CASK: variants seen among roughly 807,000 people sequenced by gnomAD.
CASK encodes the protein peripheral plasma membrane protein CASK.
CASK carries 4 observed loss-of-function variants against 82.9 expected under a neutral mutation model. The observed-to-expected ratio is 0.05, with a 90% CI of 0.02 to 0.11. The LOEUF (loss-of-function observed/expected upper bound fraction) is 0.11, where lower values mean the gene tolerates loss of function less well. Among genes scored for constraint, CASK ranks in the 10% least tolerant of loss-of-function variants. The pLI is 1.00. For synonymous variants in CASK, 259 were observed against 253.5 expected (o/e 1.02, Z -0.20); for missense variants, 358 against 720.9 (o/e 0.50, Z 5.76).
intron 2 of CASK, among the ~76,000 whole-genome samples, chrX:41,852,015 A>G (rs930685686): frequency 1.8e-5 from 2 of 111,615 alleles, no homozygotes; most frequent in Non-Finnish European, 3.8e-5. Context: ...TTCAAAAGCA[A>G]TAATAGCCAA....
intron 1 of CASK, among the ~76,000 whole-genome samples, chrX:41,895,967 T>C (rs749507913): frequency 1.3e-4 from 15 of 111,903 alleles, no homozygotes; most frequent in African/African-American, 4.9e-4. Context: ...GCAACTGCCT[T>C]TTCTCCACAT....
chrX:41,808,576 G>A (rs957353036), intron 2 of CASK, among the ~76,000 whole-genome samples: 2 of 111,986 alleles, frequency 1.8e-5, no homozygotes, highest in Non-Finnish European at 1.9e-5. Flanking sequence ...CTCACGATAA[G>A]AGCTTCTAGG....
intron 2 of CASK, among the ~76,000 whole-genome samples, chrX:41,831,824 TGTG>T (rs751587872): frequency 4.5e-5 from 5 of 110,050 alleles, no homozygotes; most frequent in Non-Finnish European, 9.5e-5. Context: ...AGCTGGGCAT[TGTG>T]GTGCACGCCT....
chrX:41,531,460 T>C (rs2998250), intron 24 of CASK, among the ~76,000 whole-genome samples: 2 of 110,721 alleles, frequency 1.8e-5, no homozygotes, highest in African/African-American at 6.6e-5. Context: ...TCAGGTGAGA[T>C]GTATTTTATC....
rs1332710955 is a variant in CASK, at chrX:41,518,574, C to A, written c.*1846G>T. 1 of 110,033 alleles carries A rather than the reference C, an allele frequency of 9.1e-6. No homozygotes were observed. 9.1% of individuals were successfully genotyped at this position (110,033 alleles called of 1,213,427 possible). A position where few individuals can be genotyped will look rare whatever the true frequency, so the allele number is the denominator to read the frequency against. ...AACATCAGAAAAAAAAAAATCGCCA[C>A]CATTTAATAATAGGCGGTGGGGGGC... On this transcript the variant is annotated 3_prime_UTR_variant, in exon 27 of 27. Transcript: ENST00000378163.
chrX:41,771,140 G>C (rs2069238544), intron 3 of CASK, among the ~76,000 whole-genome samples: 1 of 112,143 alleles, frequency 8.9e-6, no homozygotes, highest in Admixed American at 9.4e-5. Context: ...TTAATAACCT[G>C]AGAAATAATG....
chrX:41,915,378 A>C (rs1362094039), intron 1 of CASK, among the ~76,000 whole-genome samples: 2 of 112,738 alleles, frequency 1.8e-5, no homozygotes, highest in African/African-American at 6.5e-5. Flanking sequence ...TGGATATGAC[A>C]AGATCATCAA....
intron 5 of CASK, among the ~76,000 whole-genome samples, chrX:41,710,081 TTGTGTGTGTGTGTGTGTGTGTG>T (rs57963407): frequency 1.4e-5 from 1 of 72,184 alleles, no homozygotes; most frequent in East Asian, 4.6e-4. Flanking sequence ...GGTATAGATT[TTGTGTGTGTGTGTGTGTGTGTG>T]TGTGTGTGTG....
intron 21 of CASK, among the ~76,000 whole-genome samples, chrX:41,546,021 G>C (rs2065018542): frequency 9.1e-6 from 1 of 109,725 alleles, no homozygotes; most frequent in Non-Finnish European, 1.9e-5. Flanking sequence ...GCCCAGGCTG[G>C]AGTGTAATGG....
At chrX:41,915,346 T>A in intron 1 of CASK, among the ~76,000 whole-genome samples, 1 of 112,529 alleles carries the variant, frequency 8.9e-6, no homozygotes, top group Non-Finnish European at 1.9e-5. Flanking sequence ...AAAGAGGAGA[T>A]AGAGACAGAC....
intron 1 of CASK, among the ~76,000 whole-genome samples, chrX:41,859,303 A>G (rs760312530): frequency 1.8e-5 from 2 of 112,125 alleles, no homozygotes; most frequent in African/African-American, 3.2e-5. Context: ...ACACACACAC[A>G]AAGTTGATAT....
At chrX:41,620,017 A>G (rs1472209108) in intron 11 of CASK, among the ~76,000 whole-genome samples, 1 of 112,835 alleles carries the variant, frequency 8.9e-6, no homozygotes, top group Non-Finnish European at 1.9e-5. Flanking sequence ...CTCTGAGGTA[A>G]AATTTACATA....
chrX:41,840,374 T>C (rs1249192012), intron 2 of CASK, among the ~76,000 whole-genome samples: 1 of 112,496 alleles, frequency 8.9e-6, no homozygotes, highest in Non-Finnish European at 1.9e-5. Flanking sequence ...CAAATTCCAC[T>C]TGCACATTGC....
chrX:41,762,841 C>T (rs987749601), intron 3 of CASK, among the ~76,000 whole-genome samples: 1 of 111,522 alleles, frequency 9.0e-6, no homozygotes, highest in Non-Finnish European at 1.9e-5. Flanking sequence ...CCATTCATTC[C>T]ACATGCTCTT....
intron 10 of CASK, 27 bp downstream of exon 10, chrX:41,626,577 A>G (rs778769087): frequency 5.3e-6 from 5 of 938,152 alleles, no homozygotes; most frequent in Non-Finnish European, 7.7e-6. Flanking sequence ...TGACCCACAC[A>G]GGTGAATAAG....
At chrX:41,841,088 G>A (rs959440920) in intron 2 of CASK, among the ~76,000 whole-genome samples, 5 of 111,930 alleles carry the variant, frequency 4.5e-5, no homozygotes, top group African/African-American at 1.3e-4. Flanking sequence ...GTCATAGGGT[G>A]CTCTAAGTTC....
At chrX:41,550,129 C>G (rs968479102) in intron 21 of CASK, among the ~76,000 whole-genome samples, 1 of 111,926 alleles carries the variant, frequency 8.9e-6, no homozygotes, top group Non-Finnish European at 1.9e-5. Context: ...CCACTGCACT[C>G]CAGCCTGGGT....
chrX:41,752,685 A>T (rs985099377), intron 3 of CASK, among the ~76,000 whole-genome samples: 1 of 111,933 alleles, frequency 8.9e-6, no homozygotes, highest in African/African-American at 3.2e-5. Flanking sequence ...TGCCATTAAT[A>T]GACCCACAAA....
chrX:41,793,883 T>C (rs1392652641), intron 2 of CASK, among the ~76,000 whole-genome samples: 1 of 111,731 alleles, frequency 9.0e-6, no homozygotes, highest in African/African-American at 3.3e-5. Flanking sequence ...TACCTTTATC[T>C]CATAATCAAG....
Sources: gnomAD v4.1 joint callset for allele counts (sites outside exome capture counted in the v4.1 genomes callset) on GRCh38, gnomAD v4.1.1 for gene constraint, MANE v1.5 for transcripts, NCBI Gene and HGNC (gene_info 2026-07-23, HGNC 2026-07-21) for gene names.